ZNF324B: variants seen among roughly 807,000 people sequenced by gnomAD.
ZNF324B encodes the protein zinc finger protein 324B.
ZNF324B carries 7 observed loss-of-function variants against 10.6 expected under a neutral mutation model. That is an observed-to-expected ratio of 0.66 (90% CI 0.38 to 1.24). The LOEUF (loss-of-function observed/expected upper bound fraction) is 1.24, where lower values mean the gene tolerates loss of function less well. ZNF324B is among the 50% of genes most tolerant of loss of function. The pLI is 0.02. For missense variants in ZNF324B, 640 were observed against 764.7 expected, an observed-to-expected ratio of 0.84 and a Z score of 1.92; for synonymous variants, 316 against 321.0, an observed-to-expected ratio of 0.98 and a Z score of 0.17.
At chr19:58,424,038 G>A in the ZNF324B span, among the ~76,000 whole-genome samples, 1 of 147,128 alleles carries the variant, frequency 6.8e-6, no homozygotes, top group African/African-American at 2.5e-5. Context: ...TCAGGAGTTC[G>A]AGACCAGCTT....
At chr19:58,426,348 G>A in the ZNF324B span, among the ~76,000 whole-genome samples, 1 of 152,226 alleles carries the variant, frequency 6.6e-6, no homozygotes, top group South Asian at 2.1e-4. Context: ...GGAGAATGTA[G>A]TGATTCCCAC....
the ZNF324B span, chr19:58,428,493 G>C: frequency 6.6e-6 from 1 of 152,232 alleles, no homozygotes; most frequent in Non-Finnish European, 1.5e-5. Flanking sequence ...ACCAGAAGTG[G>C]AATTATGAAG....
At chr19:58,428,047 G>A in the ZNF324B span, among the ~76,000 whole-genome samples, 1 of 152,196 alleles carries the variant, frequency 6.6e-6, no homozygotes, top group South Asian at 2.1e-4. Flanking sequence ...TCACTGTGCT[G>A]GGGAGTATTT....
the ZNF324B span, among the ~76,000 whole-genome samples, chr19:58,421,480 A>G: frequency 3.9e-4 from 59 of 151,492 alleles, no homozygotes; most frequent in Admixed American, 2.5e-3. Context: ...CCCAGGTTCA[A>G]GTGATTCTCC....
chr19:58,442,161 C>CTTTTTTTTTTTTTTT, the ZNF324B span: 267 of 94,978 alleles, frequency 2.8e-3, 68 homozygotes, highest in African/African-American at 0.015. Flanking sequence ...TGTTACAGTT[C>CTTTTTTTTTTTTTTT]TTTTTTTTTT....
At chr19:58,443,552 C>T in the ZNF324B span, 40,484 of 152,370 alleles carry the variant, frequency 0.27, 6,614 homozygotes, top group Middle Eastern at 0.51. Context: ...AAATGAGGAC[C>T]ATCATGGCGG....
the ZNF324B span, chr19:58,430,666 G>T: frequency 6.6e-6 from 1 of 152,194 alleles, no homozygotes; most frequent in Non-Finnish European, 1.5e-5. Context: ...TTCCTTAGAT[G>T]CAGGGGTTTT....
At chr19:58,452,753 C>G in intron 1 of ZNF324B, 1 of 664,442 alleles carries the variant, frequency 1.5e-6, no homozygotes, top group Non-Finnish European at 1.9e-6. Context: ...AGGCGATGAG[C>G]AGTCAGGCGT....
the ZNF324B span, among the ~76,000 whole-genome samples, chr19:58,424,342 T>C: frequency 6.6e-6 from 1 of 152,208 alleles, no homozygotes; most frequent in Admixed American, 6.5e-5. Flanking sequence ...ATATTCGACA[T>C]CTTTTATCTC....
Position 58,456,371 on chromosome 19 carries a change from CG to C in ZNF324B, c.1430del (p.Gly477AlafsTer63), listed in dbSNP as rs758553763. 2 of 1,612,880 alleles carry C rather than the reference CG, an allele frequency of 1.2e-6. No individual in the cohort carries two copies. Among genetic ancestry groups the C allele is most frequent in the East Asian group, 4.5e-5 (2 of 44,886 alleles). ...AVLLSHRRIHTGEKPFVCTQC... is the reference protein window; with the variant it reads ...AVLLSHRRIHXGEKPFVCTQC... ...CTGCTCAGCCACCGGCGCATTCACA[CG>C]GGCGAGAAGCCCTTCGTGTGCACGC... is the stretch of plus-strand genomic sequence containing the variant. On this transcript the variant is annotated frameshift_variant, in exon 4 of 4. Coordinates refer to ENST00000336614, the MANE Select transcript of ZNF324B (RefSeq NM_207395.3). LOFTEE classifies it low-confidence loss of function (END_TRUNC). This position sits in a 1 kb window ranked among gnomAD's most constrained non-coding sequence, Gnocchi z 4.7.
At position 58,456,304 on chromosome 19, in the gene ZNF324B, C is replaced by A. The variant is rs774329393; in HGVS notation, c.1360C>A (p.Arg454Ser). The A allele has an allele frequency of 6.8e-6, 11 of 1,612,736 alleles. No individual in the cohort carries two copies. The highest frequency in any genetic ancestry group is 9.3e-6 in the Non-Finnish European group (11 of 1,179,848). Reference protein sequence around the residue: ...QLLHTGERPFRCVDCGKGFAK... With the variant: ...QLLHTGERPFSCVDCGKGFAK... ...CCTGCACACGGGCGAGCGGCCCTTCCGCTGCGTGGACTGTGGCAAGGGTTT... is the reference window on the plus strand; with the variant it reads ...CCTGCACACGGGCGAGCGGCCCTTCAGCTGCGTGGACTGTGGCAAGGGTTT... The change falls in exon 4 of 4, where the codon CGC becomes AGC. Residue 454 changes from arginine (R) to serine (S), a missense_variant. Arg to Ser is a moderately radical substitution (Grantham distance 110, BLOSUM62 -1). This residue lies in a region of ZNF324B where 238 missense variants were observed against 258.0 expected (regional missense o/e 0.92). Transcript: ENST00000336614. This position sits in a 1 kb window ranked among gnomAD's most constrained non-coding sequence, Gnocchi z 4.7.
intron 3 of ZNF324B, chr19:58,454,904 T>A: frequency 1.7e-6 from 1 of 594,980 alleles, no homozygotes; most frequent in South Asian, 1.8e-5. Context: ...TGTGGAGACG[T>A]GGGTGGCACG....
chr19:58,440,014 C>A, the ZNF324B span: 2 of 601,028 alleles, frequency 3.3e-6, no homozygotes, highest in Non-Finnish European at 5.7e-6. Context: ...CACCTTGGCT[C>A]ATAAAAGCAG....
At chr19:58,440,321 G>T in the ZNF324B span, 1 of 168,206 alleles carries the variant, frequency 5.9e-6, no homozygotes, top group Non-Finnish European at 1.3e-5. Flanking sequence ...TTGCGTCGCT[G>T]CTCAGGCAAC....
upstream of ZNF324B, chr19:58,451,541 A>G (rs1434738516): frequency 1.2e-5 from 6 of 506,040 alleles, no homozygotes. Context: ...GAACCACATA[A>G]CCCAGAAGGC....
the ZNF324B span, among the ~76,000 whole-genome samples, chr19:58,439,477 T>G: frequency 6.6e-6 from 1 of 152,200 alleles, no homozygotes; most frequent in East Asian, 1.9e-4. Context: ...AATGCTTCCA[T>G]TTCATCACCA....
At chr19:58,431,950 G>A in the ZNF324B span, among the ~76,000 whole-genome samples, 1,217 of 152,068 alleles carry the variant, frequency 8.0e-3, 24 homozygotes, top group African/African-American at 0.028. Context: ...AGCCAAAATC[G>A]CGCCACTGCA....
the ZNF324B span, among the ~76,000 whole-genome samples, chr19:58,446,509 G>A: frequency 2.6e-5 from 4 of 151,192 alleles, no homozygotes; most frequent in Non-Finnish European, 5.9e-5. Context: ...GCTCACTCAT[G>A]ATGGGGTTTG....
At chr19:58,428,067 T>G in the ZNF324B span, among the ~76,000 whole-genome samples, 1 of 152,200 alleles carries the variant, frequency 6.6e-6, no homozygotes, top group East Asian at 1.9e-4. Flanking sequence ...TGAGAAGCCC[T>G]GCTGTAAACT....
Sources: allele counts gnomAD v4.1 joint callset (sites outside exome capture counted in the v4.1 genomes callset), GRCh38; gene constraint gnomAD v4.1.1; regional missense constraint gnomAD v4.1.1; non-coding constraint Gnocchi (gnomAD v3.1); transcripts MANE v1.5; gene names NCBI Gene and HGNC (gene_info 2026-07-23, HGNC 2026-07-21).